KLHDC1: variants seen among roughly 807,000 people sequenced by gnomAD.
The protein encoded by KLHDC1 is kelch domain containing 1, also known as kelch domain-containing protein 1.
A neutral mutation model predicts 68.3 loss-of-function variants in KLHDC1; 53 were observed. The ratio of observed to expected loss-of-function variants is 0.78; its 90% CI spans 0.62 to 0.98. The LOEUF is 0.98. KLHDC1 is among the 50% of genes least tolerant of loss of function. The pLI, the probability that KLHDC1 is intolerant of heterozygous loss-of-function variation, is 0.00. For synonymous variants in KLHDC1, 148 were observed against 159.0 expected (o/e 0.93, Z 0.52); for missense variants, 470 against 492.3 (o/e 0.95, Z 0.43).
intron 12 of KLHDC1, among the ~76,000 whole-genome samples, chr14:49,749,671 C>G (rs1889280210): frequency 6.9e-6 from 1 of 144,924 alleles, no homozygotes; most frequent in Admixed American, 6.9e-5. Context: ...GAGTGAGACT[C>G]CGTCTCAAAA....
chr14:49,717,977 T>C (rs2139746811), intron 4 of KLHDC1, among the ~76,000 whole-genome samples: 1 of 151,964 alleles, frequency 6.6e-6, no homozygotes, highest in African/African-American at 2.4e-5. Flanking sequence ...TTGAACTCCT[T>C]GGACCCTCAA....
chr14:49,751,868 T>G lies in KLHDC1; in HGVS notation c.*96T>G, dbSNP rs967075343. The G allele has an allele frequency of 3.6e-6, 2 of 552,698 alleles. No individual in the cohort carries two copies. The highest frequency in any genetic ancestry group is 5.9e-6 in the Non-Finnish European group (2 of 340,112). 34.2% of individuals were successfully genotyped at this position (552,698 alleles called of 1,614,324 possible). ...TGCAGGCTTTATTTAAAGGATAAAA[T>G]TTAAAGGATAAAAAAACAGTCACTC... On this transcript the variant is annotated 3_prime_UTR_variant, in exon 13 of 13. Coordinates refer to ENST00000359332, the MANE Select transcript of KLHDC1 (RefSeq NM_172193.3).
chr14:49,694,777 C>A (rs1887684594), intron 1 of KLHDC1, among the ~76,000 whole-genome samples: 1 of 152,082 alleles, frequency 6.6e-6, no homozygotes, highest in Non-Finnish European at 1.5e-5. Context: ...TCACTTGGAC[C>A]CGGGAGGCGG....
At chr14:49,723,657 A>G (rs548593503) in intron 4 of KLHDC1, among the ~76,000 whole-genome samples, 3 of 152,320 alleles carry the variant, frequency 2.0e-5, no homozygotes, top group East Asian at 3.9e-4. Context: ...GCTGTTACAC[A>G]AGGGATGAAA....
intron 4 of KLHDC1, among the ~76,000 whole-genome samples, chr14:49,712,382 A>T (rs1022951744): frequency 6.6e-6 from 1 of 152,198 alleles, no homozygotes; most frequent in Non-Finnish European, 1.5e-5. Flanking sequence ...ACCATTTAAC[A>T]TATTCATCTA....
intron 1 of KLHDC1, among the ~76,000 whole-genome samples, chr14:49,703,180 A>G (rs1182603570): frequency 6.6e-6 from 1 of 151,992 alleles, no homozygotes; most frequent in African/African-American, 2.4e-5. Context: ...ATTATGCAGG[A>G]TAAAAGCTTC....
chr14:49,738,319 T>C (rs1187296765), intron 10 of KLHDC1, among the ~76,000 whole-genome samples: 1 of 151,750 alleles, frequency 6.6e-6, no homozygotes, highest in African/African-American at 2.4e-5. Context: ...TTTCATGTTC[T>C]CTTTTGTTTG....
At chr14:49,707,978 A>G (rs1007316996) in intron 1 of KLHDC1, among the ~76,000 whole-genome samples, 1 of 151,764 alleles carries the variant, frequency 6.6e-6, no homozygotes, top group Non-Finnish European at 1.5e-5. Flanking sequence ...TAAAGAACAT[A>G]CAATGAGAAA....
chr14:49,714,833 CAT>C lies in KLHDC1; in HGVS notation c.404+4454_404+4455del, dbSNP rs889260613. On this transcript the variant is annotated intron_variant, in intron 4 of 12. Coordinates refer to ENST00000359332, the MANE Select transcript of KLHDC1 (RefSeq NM_172193.3). ...CATATACTTTAGCATATACTTAACA[CAT>C]AGTATATATAATATAAAATATGTCT... Among the ~76,000 whole-genome samples the C allele has an allele frequency of 1.1e-4, 13 of 121,728 alleles. 1 individual carries two copies. Among genetic ancestry groups the C allele is most frequent in the African/African-American group, 3.8e-4 (13 of 33,964 alleles). 79.9% of individuals were successfully genotyped at this position (121,728 alleles called of 152,430 possible). A position where few individuals can be genotyped will look rare whatever the true frequency, so the allele number is the denominator to read the frequency against.
chr14:49,705,365 C>CTTTTTTT (rs59444333), intron 1 of KLHDC1, among the ~76,000 whole-genome samples: 8,017 of 71,352 alleles, frequency 0.11, 2,269 homozygotes, highest in Middle Eastern at 0.15. Context: ...TTCTTTCTTT[C>CTTTTTTT]TTTTTTTTTT....
intron 12 of KLHDC1, among the ~76,000 whole-genome samples, chr14:49,750,059 CAG>C (rs1889289072): frequency 6.6e-6 from 1 of 151,658 alleles, no homozygotes; most frequent in African/African-American, 2.4e-5. Context: ...GACTCCATCT[CAG>C]GAAAAAAAAA....
chr14:49,724,097 A>G, intron 5 of KLHDC1, 145 bp downstream of exon 5: 1 of 573,298 alleles, frequency 1.7e-6, no homozygotes, highest in South Asian at 2.5e-5. Flanking sequence ...TCTCTCTTTA[A>G]CATTTGGATC....
intron 11 of KLHDC1, among the ~76,000 whole-genome samples, chr14:49,742,598 G>A (rs1229746238): frequency 1.3e-5 from 2 of 151,368 alleles, no homozygotes; most frequent in African/African-American, 2.4e-5. Flanking sequence ...ACTTGAACCC[G>A]GGAGGCAGAG....
intron 12 of KLHDC1, 59 bp downstream of exon 12, chr14:49,743,864 A>G: frequency 2.0e-6 from 2 of 995,776 alleles, no homozygotes; most frequent in Non-Finnish European, 3.0e-6. Context: ...TTTCTTTCTC[A>G]TTTTTGGGAA....
chr14:49,693,742 C>CTTTTTTTTTTTTTTTTTTTTTTTTTTTTT (rs1566589138), intron 1 of KLHDC1, among the ~76,000 whole-genome samples: 10 of 60,974 alleles, frequency 1.6e-4, no homozygotes, highest in African/African-American at 4.9e-4. Context: ...ATTTTCTTTT[C>CTTTTTTTTTTTTTTTTTTTTTTTTTTTTT]TTTTTCTTTT....
At chr14:49,737,579 TC>T (rs1888958047) in intron 10 of KLHDC1, among the ~76,000 whole-genome samples, 1 of 151,834 alleles carries the variant, frequency 6.6e-6, no homozygotes, top group African/African-American at 2.4e-5. Flanking sequence ...AGAAAAGTAA[TC>T]AAGGCCAGGT....
At chr14:49,709,666 C>A in intron 2 of KLHDC1, 43 bp from the exon 3 acceptor site, 1 of 1,123,254 alleles carries the variant, frequency 8.9e-7, no homozygotes, top group Non-Finnish European at 1.3e-6. Flanking sequence ...TTTTAATTTG[C>A]CTTTCTGGAA....
chr14:49,713,831 TATA>T lies in KLHDC1; in HGVS notation c.404+3451_404+3453del, dbSNP rs1888287270. Among the ~76,000 whole-genome samples, 91 of 13,748 alleles carry T rather than the reference TATA, an allele frequency of 6.6e-3. 20 individuals carry two copies. The highest frequency in any genetic ancestry group is 8.9e-3 in the Non-Finnish European group (64 of 7,158). 9.0% of individuals were successfully genotyped at this position (13,748 alleles called of 152,430 possible). ...ATATATATATATATATATATATATA[TATA>T]TATATATATATATATATTTTTTTTT... On this transcript the variant is annotated intron_variant, in intron 4 of 12. Coordinates refer to ENST00000359332, the MANE Select transcript of KLHDC1 (RefSeq NM_172193.3).
At chr14:49,701,594 G>T (rs1044162573) in intron 1 of KLHDC1, among the ~76,000 whole-genome samples, 2 of 152,052 alleles carry the variant, frequency 1.3e-5, no homozygotes, top group African/African-American at 4.8e-5. Flanking sequence ...GGAGGGTGGA[G>T]GTTGTGGTGA....
Sources: allele counts gnomAD v4.1 joint callset (sites outside exome capture counted in the v4.1 genomes callset), GRCh38; gene constraint gnomAD v4.1.1; transcripts MANE v1.5; gene names NCBI Gene and HGNC (gene_info 2026-07-23, HGNC 2026-07-21).